The following USP24 variants were observed in gnomAD, a reference collection of about 807,000 sequenced individuals.
USP24 encodes ubiquitin specific peptidase 24.
In USP24, 97 loss-of-function variants were observed where a neutral mutation model predicts 361.6. The observed-to-expected ratio is 0.27, with a 90% CI of 0.23 to 0.32. The LOEUF (loss-of-function observed/expected upper bound fraction) is 0.32, where lower values mean the gene tolerates loss of function less well. USP24 is among the 10% of genes least tolerant of loss of function. The pLI is 1.00. For missense variants in USP24, 2,353 were observed against 3,165.6 expected (o/e 0.74, Z 6.16); for synonymous variants, 1,098 against 1,124.6 (o/e 0.98, Z 0.47).
rs1202022859 is a variant in USP24 at position 55,066,422 on chromosome 1, A to ATTT, written c.*2620_*2622dup. 1 of 152,192 alleles carries ATTT rather than the reference A, an allele frequency of 6.6e-6. No homozygotes were observed. Among genetic ancestry groups the ATTT allele is most frequent in the African/African-American group, 2.4e-5 (1 of 41,436 alleles). The allele number at this position is 152,192 out of a possible 1,614,324, so 9.4% of individuals were successfully genotyped here. A position where few individuals can be genotyped will look rare whatever the true frequency, so the allele number is the denominator to read the frequency against. On this transcript the variant is annotated 3_prime_UTR_variant, in exon 68 of 68. Transcript: ENST00000294383. ...AAGAACTTTGCCACACATGAACCAA[A>ATTT]TTTAGAATTAAGGTTCTTCCCTAGT...
intron 38 of USP24, among the ~76,000 whole-genome samples, chr1:55,118,240 CAA>C (rs370315032): frequency 5.3e-5 from 8 of 152,118 alleles, no homozygotes; most frequent in African/African-American, 1.9e-4. Context: ...CTACAGTAAT[CAA>C]AACAGTCTTA....
intron 1 of USP24, among the ~76,000 whole-genome samples, chr1:55,206,931 C>G (rs1334547820): frequency 1.3e-5 from 2 of 152,106 alleles, no homozygotes; most frequent in African/African-American, 4.8e-5. Flanking sequence ...CTTGAGGAGG[C>G]TGAGGCAGGC....
intron 30 of USP24, among the ~76,000 whole-genome samples, chr1:55,133,638 C>CTTTT (rs34336736): frequency 7.9e-6 from 1 of 126,840 alleles, no homozygotes; most frequent in African/African-American, 2.9e-5. Flanking sequence ...CTCTCTCTCT[C>CTTTT]TTTTTTTTTT....
intron 5 of USP24, among the ~76,000 whole-genome samples, chr1:55,171,279 T>C (rs887198458): frequency 8.5e-5 from 13 of 152,308 alleles, no homozygotes; most frequent in African/African-American, 2.9e-4. Flanking sequence ...CCAATTAAAC[T>C]GGGGTTCTGA....
intron 58 of USP24, among the ~76,000 whole-genome samples, chr1:55,081,641 T>C (rs762901769): frequency 9.9e-5 from 15 of 152,206 alleles, no homozygotes; most frequent in Admixed American, 3.3e-4. Context: ...GGATTCACTG[T>C]AGGTACTGAG....
At chr1:55,087,987 A>C (rs376910214) in intron 55 of USP24, among the ~76,000 whole-genome samples, 1 of 152,236 alleles carries the variant, frequency 6.6e-6, no homozygotes, top group Non-Finnish European at 1.5e-5. Flanking sequence ...AGTATGGCTA[A>C]AGCCTGACAA....
intron 1 of USP24, among the ~76,000 whole-genome samples, chr1:55,189,807 T>C (rs544496586): frequency 1.3e-5 from 2 of 151,460 alleles, no homozygotes; most frequent in African/African-American, 4.9e-5. Flanking sequence ...AAACACAGAG[T>C]TGTACCTAAT....
At chr1:55,167,435 G>C (rs11206520) in intron 5 of USP24, among the ~76,000 whole-genome samples, 2,140 of 152,266 alleles carry the variant, frequency 0.014, 47 homozygotes, top group African/African-American at 0.049. Context: ...AGGAGTGGCA[G>C]AGATGAGGTT....
intron 50 of USP24, among the ~76,000 whole-genome samples, chr1:55,095,631 A>T (rs1332603848): frequency 2.6e-5 from 4 of 152,200 alleles, no homozygotes; most frequent in Non-Finnish European, 5.9e-5. Flanking sequence ...GGTGGGGACA[A>T]GGAATAAGGG....
Position 55,083,731 on chromosome 1 carries a change from C to T in USP24, c.6882+41G>A, listed in dbSNP as rs907261430. On this transcript the variant is annotated intron_variant, in intron 57 of 67. Coordinates refer to ENST00000294383, the MANE Select transcript of USP24 (RefSeq NM_015306.3). ...TCTAAAAATTTTTTAGAGTATAAAT[C>T]TTCTGTATTAGGAAAAGATATTAGG... 10 of 1,462,752 alleles carry T rather than the reference C, an allele frequency of 6.8e-6. No homozygotes were observed. In the East Asian group the frequency reaches 2.5e-4, roughly 36 times the overall value. The allele number at this position is 1,462,752 out of a possible 1,614,324, so 90.6% of individuals were successfully genotyped here. A position where few individuals can be genotyped will look rare whatever the true frequency, so the allele number is the denominator to read the frequency against.
intron 5 of USP24, among the ~76,000 whole-genome samples, chr1:55,170,830 A>T (rs75183032): frequency 0.025 from 3,744 of 152,292 alleles, 56 homozygotes; most frequent in Non-Finnish European, 0.037. Context: ...CTATACTACA[A>T]GCTAGTAATC....
At chr1:55,097,800 C>T (rs1322982015) in intron 47 of USP24, 83 bp from the exon 48 acceptor site, 40 of 1,496,892 alleles carry the variant, frequency 2.7e-5, no homozygotes, top group Non-Finnish European at 3.3e-5. Flanking sequence ...AATGCAAAGG[C>T]CTTTCTGATC....
intron 1 of USP24, among the ~76,000 whole-genome samples, chr1:55,213,890 G>C (rs1055698052): frequency 2.0e-5 from 3 of 151,586 alleles, no homozygotes; most frequent in African/African-American, 4.9e-5. Flanking sequence ...CCCCCACTGC[G>C]CTCCCACCCT....
intron 54 of USP24, among the ~76,000 whole-genome samples, chr1:55,090,218 G>A (rs944059063): frequency 6.6e-6 from 1 of 151,976 alleles, no homozygotes; most frequent in Non-Finnish European, 1.5e-5. Context: ...AAGGTATAAT[G>A]ACTATTCTAC....
chr1:55,113,008 C>A (rs942686100), intron 38 of USP24, among the ~76,000 whole-genome samples: 14 of 152,092 alleles, frequency 9.2e-5, no homozygotes, highest in Admixed American at 6.5e-5. Context: ...GATATCTTTA[C>A]CATTGTGTAA....
At chr1:55,172,798 G>C (rs1286560621) in intron 3 of USP24, among the ~76,000 whole-genome samples, 2 of 152,038 alleles carry the variant, frequency 1.3e-5, no homozygotes, top group South Asian at 2.1e-4. Flanking sequence ...TAATTACAAG[G>C]GTAGGTCAAA....
intron 36 of USP24, among the ~76,000 whole-genome samples, chr1:55,122,654 A>G (rs2100603434): frequency 6.6e-6 from 1 of 152,254 alleles, no homozygotes; most frequent in South Asian, 2.1e-4. Context: ...TAAGGGGTAG[A>G]ATCTAGAGAG....
intron 1 of USP24, among the ~76,000 whole-genome samples, chr1:55,198,726 G>T (rs778905316): frequency 1.6e-4 from 25 of 152,148 alleles, no homozygotes; most frequent in Non-Finnish European, 2.8e-4. Flanking sequence ...ACAGATCCAA[G>T]ATCTCTTCTG....
intron 50 of USP24, 26 bp downstream of exon 50, chr1:55,096,472 G>GA (rs1441239651): frequency 6.7e-7 from 1 of 1,489,326 alleles, no homozygotes; most frequent in Non-Finnish European, 8.9e-7. Flanking sequence ...AAAACTAATG[G>GA]AAAATATCCA....
Sources: gnomAD v4.1 joint callset for allele counts (sites outside exome capture counted in the v4.1 genomes callset) on GRCh38, gnomAD v4.1.1 for gene constraint, MANE v1.5 for transcripts, NCBI Gene and HGNC (gene_info 2026-07-23, HGNC 2026-07-21) for gene names.